The following ZNF618 variants were observed in gnomAD, a reference collection of about 807,000 sequenced individuals.
ZNF618 encodes the protein neural precursor cell expressed, developmentally down-regulated 10.
In ZNF618, 34 loss-of-function variants were observed where a neutral mutation model predicts 103.0. The observed-to-expected ratio is 0.33, with a 90% CI of 0.25 to 0.44. ZNF618 has a LOEUF of 0.44. Ranked by LOEUF, ZNF618 falls within the 20% of genes least tolerant of loss-of-function variation. ZNF618 has a pLI of 1.00. For synonymous variants in ZNF618, 551 were observed against 542.2 expected (o/e 1.02, Z -0.23); for missense variants, 1,059 against 1,295.4 (o/e 0.82, Z 2.80).
intron 1 of ZNF618, among the ~76,000 whole-genome samples, chr9:113,943,842 G>A (rs949523412): frequency 1.6e-4 from 25 of 152,124 alleles, no homozygotes; most frequent in African/African-American, 6.0e-4. Context: ...GGATAGTGGA[G>A]GGCTTGGACT....
intron 1 of ZNF618, among the ~76,000 whole-genome samples, chr9:113,958,829 A>G (rs543034312): frequency 2.0e-5 from 3 of 152,160 alleles, no homozygotes; most frequent in African/African-American, 4.8e-5. Flanking sequence ...TCTACCCCCA[A>G]CTGGTCTTGG....
At chr9:113,952,115 A>G (rs558279685) in intron 1 of ZNF618, among the ~76,000 whole-genome samples, 1 of 152,122 alleles carries the variant, frequency 6.6e-6, no homozygotes, top group Non-Finnish European at 1.5e-5. Flanking sequence ...CAATTTATAG[A>G]TTCATTAACT....
At chr9:113,928,760 T>C (rs1833315985) in intron 1 of ZNF618, among the ~76,000 whole-genome samples, 1 of 152,200 alleles carries the variant, frequency 6.6e-6, no homozygotes, top group Non-Finnish European at 1.5e-5. Context: ...TGGAGTCTTT[T>C]TGATGTGGTT....
At chr9:113,966,461 G>C (rs1212500822) in intron 1 of ZNF618, among the ~76,000 whole-genome samples, 1 of 152,196 alleles carries the variant, frequency 6.6e-6, no homozygotes, top group African/African-American at 2.4e-5. Context: ...GCTGGTGTTA[G>C]AACATTTTGG....
chr9:113,907,629 G>A (rs1158754782), intron 1 of ZNF618, among the ~76,000 whole-genome samples: 1 of 152,196 alleles, frequency 6.6e-6, no homozygotes, highest in Non-Finnish European at 1.5e-5. Context: ...GTAGGCAAGC[G>A]CTTTCCAGAG....
intron 1 of ZNF618, among the ~76,000 whole-genome samples, chr9:113,962,566 C>T (rs1444170509): frequency 1.3e-5 from 2 of 152,240 alleles, no homozygotes; most frequent in African/African-American, 4.8e-5. Flanking sequence ...TCCTCATGTA[C>T]TCTGCCCCAG....
chr9:114,052,710 C>T lies in ZNF618; in HGVS notation c.*2543C>T, dbSNP rs1425612359. On this transcript the variant is annotated 3_prime_UTR_variant, in exon 15 of 15. Coordinates refer to ENST00000374126, the MANE Select transcript of ZNF618 (RefSeq NM_001318042.2). ...TAGGTGAGAGCAGAGCCTGGGAGCC[C>T]ATCCTCCCTCTACTTGGAGCAAAGT... 1.3e-5 allele frequency: 2 copies of T among 152,234 alleles called. No individual in the cohort carries two copies. Among genetic ancestry groups the T allele is most frequent in the Non-Finnish European group, 2.9e-5 (2 of 68,046 alleles). The allele number at this position is 152,234 out of a possible 1,614,324, so 9.4% of individuals were successfully genotyped here.
chr9:113,949,631 G>A (rs986781567), intron 1 of ZNF618, among the ~76,000 whole-genome samples: 9 of 152,060 alleles, frequency 5.9e-5, no homozygotes, highest in African/African-American at 2.4e-5. Flanking sequence ...TATGCTCCCC[G>A]CTCCTCTCTC....
intron 1 of ZNF618, among the ~76,000 whole-genome samples, chr9:113,922,394 C>A (rs75588796): frequency 0.011 from 1,616 of 151,826 alleles, 9 homozygotes; most frequent in Non-Finnish European, 0.018. Context: ...TACCTTCTAT[C>A]CAAAGAAAGT....
intron 13 of ZNF618, among the ~76,000 whole-genome samples, chr9:114,047,484 C>G (rs1329727586): frequency 1.3e-5 from 2 of 152,142 alleles, no homozygotes; most frequent in African/African-American, 4.8e-5. Context: ...TTTTTGGCCA[C>G]TTGGGGGGTG....
chr9:113,943,254 G>C (rs1327274510), intron 1 of ZNF618, among the ~76,000 whole-genome samples: 1 of 152,232 alleles, frequency 6.6e-6, no homozygotes, highest in Non-Finnish European at 1.5e-5. Flanking sequence ...CCTGCGGTAA[G>C]TGCGAACTCT....
chr9:114,018,118 T>A (rs972406045), intron 10 of ZNF618, among the ~76,000 whole-genome samples: 3 of 152,214 alleles, frequency 2.0e-5, no homozygotes, highest in Non-Finnish European at 4.4e-5. Context: ...ATGAGGTACC[T>A]GCTATGGCCC....
intron 1 of ZNF618, among the ~76,000 whole-genome samples, chr9:113,940,339 A>G (rs1401885040): frequency 1.3e-5 from 2 of 152,128 alleles, no homozygotes; most frequent in Non-Finnish European, 2.9e-5. Context: ...TTGTTTTATA[A>G]GTACATATAA....
rs935981693 is a variant in ZNF618 at position 113,895,729 on chromosome 9, A to T, written c.33+19316A>T. Among the ~76,000 whole-genome samples, 4 of 152,134 alleles carry T rather than the reference A, an allele frequency of 2.6e-5. No individual in the cohort carries two copies. In the South Asian group the frequency reaches 8.3e-4, roughly 31 times the overall value. ...TAAGAGTGTAGGAAATGAGGGTTTA[A>T]GTGTGCATGCCAGATGTTTATTTGT... On this transcript the variant is annotated intron_variant, in intron 1 of 14. Transcript: ENST00000374126.
At chr9:113,923,603 T>A (rs941775952) in intron 1 of ZNF618, among the ~76,000 whole-genome samples, 1 of 152,170 alleles carries the variant, frequency 6.6e-6, no homozygotes, top group Admixed American at 6.5e-5. Context: ...TTTCAAGTGG[T>A]AAACCAGTCT....
chr9:113,971,492 A>C (rs1407892493), intron 2 of ZNF618, among the ~76,000 whole-genome samples: 2 of 152,088 alleles, frequency 1.3e-5, no homozygotes, highest in South Asian at 2.1e-4. Flanking sequence ...GTTAGGTGCT[A>C]ATTTATTCAC....
At chr9:114,048,104 C>T (rs767915492) in intron 14 of ZNF618, 110 bp downstream of exon 14, 3 of 960,438 alleles carry the variant, frequency 3.1e-6, no homozygotes, top group Admixed American at 4.8e-5. Context: ...TAAGATGATG[C>T]ATGATAGTTT....
At chr9:113,952,236 A>AT (rs1835847677) in intron 1 of ZNF618, among the ~76,000 whole-genome samples, 1 of 152,216 alleles carries the variant, frequency 6.6e-6, no homozygotes, top group Non-Finnish European at 1.5e-5. Context: ...GAAAAGCTGG[A>AT]TAATTAAGGC....
Position 114,049,801 on chromosome 9 carries a change from C to T in ZNF618, c.2499C>T (p.Ile833=). The T allele has an allele frequency of 6.2e-7, 1 of 1,613,982 alleles. No homozygotes were observed. Among genetic ancestry groups the T allele is most frequent in the Non-Finnish European group, 8.5e-7 (1 of 1,179,902 alleles). The part of the protein sequence containing the change: ...EEIIGKVCEL[I]NEVKESWAEE... ...TCATCGGCAAGGTCTGTGAGCTCAT[C>T]AACGAGGTGAAGGAGTCCTGGGCCG... The change falls in exon 15 of 15, where the codon ATC becomes ATT. Residue 833 remains isoleucine, a synonymous_variant. Transcript: ENST00000374126.
Sources: gnomAD v4.1 joint callset for allele counts (sites outside exome capture counted in the v4.1 genomes callset) on GRCh38, gnomAD v4.1.1 for gene constraint, MANE v1.5 for transcripts, NCBI Gene and HGNC (gene_info 2026-07-23, HGNC 2026-07-21) for gene names.